Variants in GRIK4 observed in about 807,000 individuals in gnomAD.
GRIK4 encodes glutamate receptor ionotropic, kainate 4.
GRIK4 carries 40 observed loss-of-function variants against 104.9 expected under a neutral mutation model. That is an observed-to-expected ratio of 0.38 (90% CI 0.30 to 0.50). The LOEUF is 0.50. GRIK4 is among the 20% of genes least tolerant of loss of function. GRIK4 has a pLI of 0.93. For missense variants in GRIK4, 1,047 were observed against 1,308.1 expected (o/e 0.80, Z 3.08); for synonymous variants, 485 against 524.9 (o/e 0.92, Z 1.04).
At chr11:120,663,353 A>G (rs74509454) in intron 3 of GRIK4, among the ~76,000 whole-genome samples, 7,264 of 152,264 alleles carry the variant, frequency 0.048, 524 homozygotes, top group African/African-American at 0.16. Flanking sequence ...AGGTCACCTG[A>G]CAAGTAGGGG....
chr11:120,521,363 C>T (rs1335301752), intron 1 of GRIK4, among the ~76,000 whole-genome samples: 2 of 152,128 alleles, frequency 1.3e-5, no homozygotes, highest in Non-Finnish European at 2.9e-5. Flanking sequence ...TGCGCCACCA[C>T]GCCCGGCCCA....
rs560008947 is a variant in GRIK4 at position 120,967,010 on chromosome 11, C to T, written c.2267-185C>T. On this transcript the variant is annotated intron_variant, in intron 18 of 20. Transcript: ENST00000527524. This position sits in a 1 kb window ranked among gnomAD's most constrained non-coding sequence, Gnocchi z 4.2. ...GTGAAGCCAGAATGCCCCGCTCTTC[C>T]GGGGGAGCCCCAGTGGAGTAGACAG... 4.6e-5 allele frequency among the ~76,000 whole-genome samples: 7 copies of T among 152,264 alleles called. No individual in the cohort carries two copies. The highest frequency in any genetic ancestry group is 1.2e-4 in the African/African-American group (5 of 41,552).
chr11:120,628,291 C>G (rs1263817716), intron 1 of GRIK4, among the ~76,000 whole-genome samples: 1 of 152,212 alleles, frequency 6.6e-6, no homozygotes, highest in Non-Finnish European at 1.5e-5. Context: ...TTCTTCTATG[C>G]TTGGAGGAAT....
intron 1 of GRIK4, among the ~76,000 whole-genome samples, chr11:120,647,960 G>A (rs1949565176): frequency 1.3e-5 from 2 of 152,202 alleles, no homozygotes. Context: ...CCATAGAGCT[G>A]TGAGATCTGC....
chr11:120,673,841 G>A (rs542440801), intron 3 of GRIK4, among the ~76,000 whole-genome samples: 26 of 152,296 alleles, frequency 1.7e-4, no homozygotes, highest in Non-Finnish European at 3.2e-4. Context: ...GGGGAGCCTT[G>A]ACCAGTTCTG....
At chr11:120,827,819 G>T (rs1013909104) in intron 6 of GRIK4, among the ~76,000 whole-genome samples, 1 of 152,212 alleles carries the variant, frequency 6.6e-6, no homozygotes, top group Non-Finnish European at 1.5e-5. Context: ...TGATCCTCAA[G>T]AGGGGCTTTG....
intron 1 of GRIK4, among the ~76,000 whole-genome samples, chr11:120,601,002 G>C (rs551944032): frequency 6.6e-6 from 1 of 152,318 alleles, no homozygotes; most frequent in African/African-American, 2.4e-5. Context: ...GCTGTAGTGA[G>C]CCGGATCGTG....
rs547199127 is a variant in GRIK4, at chr11:120,861,093, C to CTTTTTT, written c.745-839_745-834dup. Among the ~76,000 whole-genome samples the CTTTTTT allele has an allele frequency of 1.2e-3, 108 of 86,534 alleles. 9 individuals carry two copies. Among genetic ancestry groups the CTTTTTT allele is most frequent in the African/African-American group, 3.3e-3 (75 of 22,470 alleles). The allele number at this position is 86,534 out of a possible 152,430, so 56.8% of individuals were successfully genotyped here. A position where few individuals can be genotyped will look rare whatever the true frequency, so the allele number is the denominator to read the frequency against. Reference sequence around the variant, plus strand: ...TTAGGTAGGGTTCAGAAATCATCCTCTTTTTTTTTTTTTTTTTTTTTTTTT... The same window carrying CTTTTTT: ...TTAGGTAGGGTTCAGAAATCATCCTCTTTTTTTTTTTTTTTTTTTTTTTTTTTTTTT... On this transcript the variant is annotated intron_variant, in intron 8 of 20. Transcript: ENST00000527524.
intron 3 of GRIK4, among the ~76,000 whole-genome samples, chr11:120,794,609 A>C (rs555972608): frequency 6.6e-6 from 1 of 152,144 alleles, no homozygotes; most frequent in Non-Finnish European, 1.5e-5. Flanking sequence ...GTACGGGTGC[A>C]GGGAGAAGGT....
At chr11:120,706,577 A>G (rs905481513) in intron 3 of GRIK4, among the ~76,000 whole-genome samples, 4 of 152,122 alleles carry the variant, frequency 2.6e-5, no homozygotes, top group Non-Finnish European at 5.9e-5. Context: ...GGTGGGTGGT[A>G]TGCTCTGACA....
chr11:120,831,811 C>T (rs770595978), intron 6 of GRIK4, 41 bp from the exon 7 acceptor site: 7 of 1,546,552 alleles, frequency 4.5e-6, no homozygotes, highest in Middle Eastern at 3.4e-4. Context: ...CTAGAGGCAG[C>T]TCTGTGGACC....
intron 1 of GRIK4, among the ~76,000 whole-genome samples, chr11:120,636,907 C>T (rs569848357): frequency 6.6e-5 from 10 of 152,256 alleles, no homozygotes; most frequent in African/African-American, 9.6e-5. Context: ...TCCTGATGTC[C>T]CTGAGAATGG....
intron 4 of GRIK4, among the ~76,000 whole-genome samples, chr11:120,803,257 C>T (rs777246914): frequency 4.5e-4 from 68 of 152,134 alleles, no homozygotes; most frequent in Non-Finnish European, 2.6e-4. Flanking sequence ...ATGCTAAGGG[C>T]GCTGTTGTGG....
intron 3 of GRIK4, among the ~76,000 whole-genome samples, chr11:120,760,339 A>AAT (rs1002376680): frequency 1.5e-4 from 22 of 148,980 alleles, no homozygotes; most frequent in Middle Eastern, 3.6e-3. Context: ...AAAGTTGAAT[A>AAT]ATATATATAT....
intron 3 of GRIK4, among the ~76,000 whole-genome samples, chr11:120,729,819 T>C (rs921065654): frequency 6.6e-6 from 1 of 152,212 alleles, no homozygotes; most frequent in Non-Finnish European, 1.5e-5. Context: ...TGTAGGGTAT[T>C]ACTCAAGAAA....
At chr11:120,846,292 T>G (rs574266717) in intron 8 of GRIK4, among the ~76,000 whole-genome samples, 1 of 152,308 alleles carries the variant, frequency 6.6e-6, no homozygotes, top group South Asian at 2.1e-4. Flanking sequence ...CTACACTGAG[T>G]CAGCAAACAT....
chr11:120,950,807 C>T (rs1326174636), intron 14 of GRIK4, among the ~76,000 whole-genome samples: 1 of 152,202 alleles, frequency 6.6e-6, no homozygotes, highest in Non-Finnish European at 1.5e-5. Flanking sequence ...GATTCTGCTG[C>T]TCTGGAGTCC....
intron 9 of GRIK4, among the ~76,000 whole-genome samples, chr11:120,864,433 G>C (rs939632475): frequency 2.0e-5 from 3 of 151,908 alleles, no homozygotes; most frequent in Admixed American, 2.0e-4. Context: ...GTAGAGATGG[G>C]GTTTCACCGT....
At chr11:120,629,974 A>G (rs1265212887) in intron 1 of GRIK4, among the ~76,000 whole-genome samples, 1 of 152,276 alleles carries the variant, frequency 6.6e-6, no homozygotes, top group East Asian at 1.9e-4. Flanking sequence ...GGTGCAGGAT[A>G]CCCAGCACCA....
Sources: allele counts gnomAD v4.1 joint callset (sites outside exome capture counted in the v4.1 genomes callset), GRCh38; gene constraint gnomAD v4.1.1; non-coding constraint Gnocchi (gnomAD v3.1); transcripts MANE v1.5; gene names NCBI Gene and HGNC (gene_info 2026-07-23, HGNC 2026-07-21).